The following ANKFN1 variants were observed in gnomAD, a reference collection of about 807,000 sequenced individuals.
ANKFN1 encodes ankyrin repeat and fibronectin type III domain containing 1.
ANKFN1 carries 74 observed loss-of-function variants against 108.7 expected under a neutral mutation model. The ratio of observed to expected loss-of-function variants is 0.68; its 90% CI spans 0.56 to 0.83. The LOEUF (loss-of-function observed/expected upper bound fraction) is 0.83. Ranked by LOEUF, ANKFN1 falls within the 40% of genes least tolerant of loss-of-function variation. The pLI, the probability that ANKFN1 is intolerant of heterozygous loss-of-function variation, is 0.00. For synonymous variants in ANKFN1, 547 were observed against 516.2 expected, an observed-to-expected ratio of 1.06 and a Z score of -0.81; for missense variants, 1,505 against 1,382.3, an observed-to-expected ratio of 1.09 and a Z score of -1.41.
intron 8 of ANKFN1, among the ~76,000 whole-genome samples, chr17:56,381,155 G>A (rs1350801637): frequency 1.3e-5 from 2 of 152,186 alleles, no homozygotes; most frequent in Non-Finnish European, 2.9e-5. Context: ...TGCAGCCACC[G>A]CTGCTGATAC....
chr17:56,247,246 G>A (rs374281673), intron 3 of ANKFN1, among the ~76,000 whole-genome samples: 1 of 152,304 alleles, frequency 6.6e-6, no homozygotes, highest in East Asian at 1.9e-4. Flanking sequence ...ATGGTTCTTT[G>A]ATAAGCTAAG....
At chr17:56,098,821 C>T (rs578259880) in intron 4 of ANKFN1, among the ~76,000 whole-genome samples, 3 of 151,916 alleles carry the variant, frequency 2.0e-5, no homozygotes, top group East Asian at 3.9e-4. Flanking sequence ...CTACTGCTGC[C>T]GAGAGTAAAT....
chr17:56,258,843 G>A (rs868473536), intron 3 of ANKFN1, among the ~76,000 whole-genome samples: 1 of 152,046 alleles, frequency 6.6e-6, no homozygotes, highest in East Asian at 1.9e-4. Flanking sequence ...CCCGGGAGGC[G>A]GAGCTTGCAG....
intron 4 of ANKFN1, among the ~76,000 whole-genome samples, chr17:56,104,077 G>A (rs1905697759): frequency 6.6e-6 from 1 of 152,200 alleles, no homozygotes; most frequent in Admixed American, 6.5e-5. Flanking sequence ...TTCTGGTTCT[G>A]AGGATGTCTC....
At chr17:56,286,686 A>T (rs1191447377) in intron 3 of ANKFN1, among the ~76,000 whole-genome samples, 3 of 152,110 alleles carry the variant, frequency 2.0e-5, no homozygotes, top group Non-Finnish European at 2.9e-5. Context: ...CTCTCAAGTC[A>T]CATAGCATGA....
At chr17:56,397,982 G>A (rs2047636574) in intron 8 of ANKFN1, among the ~76,000 whole-genome samples, 1 of 152,276 alleles carries the variant, frequency 6.6e-6, no homozygotes, top group Admixed American at 6.5e-5. Context: ...TGAAGTGACA[G>A]GGGAGGTGGC....
chr17:56,373,372 T>G (rs1171489146), intron 7 of ANKFN1, among the ~76,000 whole-genome samples: 1 of 152,250 alleles, frequency 6.6e-6, no homozygotes, highest in African/African-American at 2.4e-5. Context: ...CAATTCTTTT[T>G]GTTAGTTTAA....
chr17:56,205,801 T>C (rs1226998938), intron 1 of ANKFN1, among the ~76,000 whole-genome samples: 2 of 152,188 alleles, frequency 1.3e-5, no homozygotes, highest in Non-Finnish European at 2.9e-5. Flanking sequence ...GCCGCTTTGC[T>C]TGACATCTTT....
rs1026157275 is a variant in ANKFN1 at position 56,344,409 on chromosome 17, G to A, written c.189-6357G>A. 3.9e-5 allele frequency among the ~76,000 whole-genome samples: 6 copies of A among 152,028 alleles called. 1 individual carries two copies. In the East Asian group the frequency reaches 9.7e-4, roughly 25 times the overall value. On this transcript the variant is annotated intron_variant, in intron 4 of 20. Coordinates refer to ENST00000682825, the MANE Select transcript of ANKFN1 (RefSeq NM_001370326.1). ...TGAAGAGCTCTGCATGTGTGTGTTG[G>A]GGCACACCTTCAATACTCAGCCAGG...
intron 1 of ANKFN1, among the ~76,000 whole-genome samples, chr17:56,173,860 T>C (rs911528150): frequency 6.6e-6 from 1 of 152,214 alleles, no homozygotes; most frequent in Non-Finnish European, 1.5e-5. Context: ...GGTGAATGAA[T>C]GAGTAAGTAT....
intron 1 of ANKFN1, among the ~76,000 whole-genome samples, chr17:56,170,801 T>TACACACAC (rs1224594065): frequency 1.1e-4 from 7 of 64,204 alleles, no homozygotes; most frequent in African/African-American, 3.5e-4. Flanking sequence ...TATATATATA[T>TACACACAC]ATATATACAC....
intron 3 of ANKFN1, among the ~76,000 whole-genome samples, chr17:56,314,636 T>G (rs2045144900): frequency 6.6e-6 from 1 of 152,216 alleles, no homozygotes; most frequent in African/African-American, 2.4e-5. Flanking sequence ...TCAGGTCAAG[T>G]GGCCAAAGAC....
intron 14 of ANKFN1, among the ~76,000 whole-genome samples, chr17:56,461,596 C>A (rs1001138012): frequency 1.3e-5 from 2 of 152,202 alleles, no homozygotes; most frequent in African/African-American, 4.8e-5. Context: ...TTTCTCTGAT[C>A]CCTTGATTAA....
chr17:56,418,221 T>C (rs2048298432), intron 8 of ANKFN1, among the ~76,000 whole-genome samples: 1 of 152,242 alleles, frequency 6.6e-6, no homozygotes, highest in African/African-American at 2.4e-5. Context: ...TGATAAATTC[T>C]TTGTTATTTG....
intron 11 of ANKFN1, among the ~76,000 whole-genome samples, chr17:56,456,608 G>A (rs2049709735): frequency 6.6e-6 from 1 of 151,840 alleles, no homozygotes; most frequent in Admixed American, 6.6e-5. Context: ...ATGTTGGTCA[G>A]GCTGGTCTTG....
At chr17:56,485,371 A>G (rs1302903673) in intron 18 of ANKFN1, among the ~76,000 whole-genome samples, 1 of 152,202 alleles carries the variant, frequency 6.6e-6, no homozygotes, top group African/African-American at 2.4e-5. Flanking sequence ...GAGACCTAAT[A>G]TTTCCAGGCA....
chr17:56,484,365 A>G (rs1280730724), intron 18 of ANKFN1, among the ~76,000 whole-genome samples: 1 of 152,230 alleles, frequency 6.6e-6, no homozygotes, highest in Admixed American at 6.5e-5. Context: ...ATAAGAAGAA[A>G]AAAAAAGAAA....
At chr17:56,489,102 C>T (rs980295778) in intron 18 of ANKFN1, among the ~76,000 whole-genome samples, 1 of 152,306 alleles carries the variant, frequency 6.6e-6, no homozygotes, top group East Asian at 1.9e-4. Context: ...AACCCAGGTC[C>T]GTCAGATGGC....
chr17:56,102,630 CT>C (rs10569994), intron 4 of ANKFN1, among the ~76,000 whole-genome samples: 5,539 of 149,300 alleles, frequency 0.037, 110 homozygotes, highest in Middle Eastern at 0.08. Flanking sequence ...CCTTCCTAGC[CT>C]TTTTTTTTTT....
Sources: allele counts gnomAD v4.1 joint callset (sites outside exome capture counted in the v4.1 genomes callset), GRCh38; gene constraint gnomAD v4.1.1; transcripts MANE v1.5; gene names NCBI Gene and HGNC (gene_info 2026-07-23, HGNC 2026-07-21).